The following RAB20 variants were observed in gnomAD, a reference collection of about 807,000 sequenced individuals.
RAB20 encodes RAB20, member RAS oncogene family.
In RAB20, 2 loss-of-function variants were observed where a neutral mutation model predicts 3.7. The ratio of observed to expected loss-of-function variants is 0.54; its 90% CI spans 0.22 to 1.69. The LOEUF (loss-of-function observed/expected upper bound fraction) is 1.69, where lower values mean the gene tolerates loss of function less well. Among genes scored for constraint, RAB20 ranks in the 40% most tolerant of loss-of-function variants. The probability of loss-of-function intolerance (pLI) is 0.19; values close to 1 mark genes in which losing one functional copy is unlikely to be tolerated. For missense variants in RAB20, 276 were observed against 311.9 expected (o/e 0.88, Z 0.87); for synonymous variants, 126 against 130.8 (o/e 0.96, Z 0.25).
At chr13:110,538,492 G>A (rs1191127531) in intron 1 of RAB20, among the ~76,000 whole-genome samples, 1 of 150,078 alleles carries the variant, frequency 6.7e-6, no homozygotes, top group Non-Finnish European at 1.5e-5. Flanking sequence ...TGTGGTCCCA[G>A]CTACTGGGTA....
At chr13:110,531,168 C>A (rs1884533701) in intron 1 of RAB20, among the ~76,000 whole-genome samples, 1 of 152,186 alleles carries the variant, frequency 6.6e-6, no homozygotes, top group African/African-American at 2.4e-5. Context: ...AGGTGGGCAA[C>A]AGACACAGGA....
intron 1 of RAB20, among the ~76,000 whole-genome samples, chr13:110,549,612 G>A (rs1224323979): frequency 6.6e-6 from 1 of 152,246 alleles, no homozygotes; most frequent in Non-Finnish European, 1.5e-5. Context: ...AGAGGGTCCT[G>A]CCCCATACCC....
intron 1 of RAB20, among the ~76,000 whole-genome samples, chr13:110,552,521 G>A (rs935055292): frequency 4.6e-5 from 7 of 151,510 alleles, no homozygotes; most frequent in Admixed American, 1.3e-4. Flanking sequence ...GTGAAACCCC[G>A]TCTCTACTAA....
At chr13:110,541,394 G>A (rs1884761409) in intron 1 of RAB20, among the ~76,000 whole-genome samples, 1 of 152,208 alleles carries the variant, frequency 6.6e-6, no homozygotes. Context: ...TAGGCCACCA[G>A]CTTTAGCACA....
intron 1 of RAB20, among the ~76,000 whole-genome samples, chr13:110,545,690 A>T (rs180978759): frequency 7.5e-4 from 114 of 152,338 alleles, no homozygotes; most frequent in South Asian, 1.7e-3. Flanking sequence ...GGGCAAGTCT[A>T]GAGAAGTGCA....
chr13:110,524,231 T>C (rs753467810), intron 1 of RAB20, 34 bp from the exon 2 acceptor site: 14 of 1,544,882 alleles, frequency 9.1e-6, no homozygotes, highest in Middle Eastern at 2.1e-4. Context: ...AGAGTGGTTA[T>C]CTCTCATCTC....
chr13:110,524,888 T>G (rs1427618858), intron 1 of RAB20, among the ~76,000 whole-genome samples: 1 of 152,194 alleles, frequency 6.6e-6, no homozygotes, highest in African/African-American at 2.4e-5. Flanking sequence ...TCGCACTTCT[T>G]GTGGGTGCCG....
At chr13:110,547,569 CAAGTCACTTCTACG>C (rs1884875751) in intron 1 of RAB20, among the ~76,000 whole-genome samples, 1 of 152,158 alleles carries the variant, frequency 6.6e-6, no homozygotes, top group South Asian at 2.1e-4. Context: ...CTTTAGGATC[CAAGTCACTTCTACG>C]AAGGACACAG....
chr13:110,530,881 G>A (rs568662907), intron 1 of RAB20, among the ~76,000 whole-genome samples: 2 of 152,340 alleles, frequency 1.3e-5, no homozygotes, highest in East Asian at 1.9e-4. Context: ...ACACAATTGT[G>A]TCTGTTCACC....
intron 1 of RAB20, among the ~76,000 whole-genome samples, chr13:110,540,509 G>A (rs1383062949): frequency 3.3e-5 from 5 of 152,182 alleles, no homozygotes; most frequent in South Asian, 4.1e-4. Context: ...TTGGGAGGCC[G>A]AGGCAGGTGG....
chr13:110,523,292 G>A lies in RAB20; in HGVS notation c.*373C>T. On this transcript the variant is annotated 3_prime_UTR_variant, in exon 2 of 2. Transcript: ENST00000267328. ...TTGTAGGACGTGGTAACAACCCAGGGTGCTGAAACGGTCAGAGGTGCAGGT... is the reference window on the plus strand; with the variant it reads ...TTGTAGGACGTGGTAACAACCCAGGATGCTGAAACGGTCAGAGGTGCAGGT... The A allele has an allele frequency of 2.2e-6, 1 of 454,584 alleles. No individual in the cohort carries two copies. Among genetic ancestry groups the A allele is most frequent in the South Asian group, 6.5e-5 (1 of 15,270 alleles). The allele number at this position is 454,584 out of a possible 1,614,324, so 28.2% of individuals were successfully genotyped here.
chr13:110,550,270 ATG>A (rs1172170245), intron 1 of RAB20, among the ~76,000 whole-genome samples: 2 of 152,206 alleles, frequency 1.3e-5, no homozygotes, highest in Non-Finnish European at 2.9e-5. Flanking sequence ...ACCTTGCTCC[ATG>A]TGTCTCTTCA....
chr13:110,538,698 A>G (rs1316183140), intron 1 of RAB20, among the ~76,000 whole-genome samples: 1 of 152,160 alleles, frequency 6.6e-6, no homozygotes, highest in Non-Finnish European at 1.5e-5. Flanking sequence ...CAAGAGCAAA[A>G]TGCCTGAATC....
chr13:110,546,959 C>T lies in RAB20; in HGVS notation c.172+14389G>A, dbSNP rs76410898. Among the ~76,000 whole-genome samples, 1,321 of 152,242 alleles carry T rather than the reference C, an allele frequency of 8.7e-3. 15 individuals are homozygous for T. Among genetic ancestry groups the T allele is most frequent in the East Asian group, 0.059 (305 of 5,170 alleles). ...CTCGCTATGTTGCCTTGGCTGGTAC[C>T]TATCTTCTGACTTCAAGGGATCCTC... On this transcript the variant is annotated intron_variant, in intron 1 of 1. Coordinates refer to ENST00000267328, the MANE Select transcript of RAB20 (RefSeq NM_017817.3).
chr13:110,544,021 C>T (rs1884812283), intron 1 of RAB20, among the ~76,000 whole-genome samples: 2 of 152,104 alleles, frequency 1.3e-5, no homozygotes, highest in South Asian at 2.1e-4. Context: ...AAGCGATCCA[C>T]CCACGTCAGC....
chr13:110,539,034 TAAAACCTCAAGACA>T (rs1284055359), intron 1 of RAB20, among the ~76,000 whole-genome samples: 1 of 152,192 alleles, frequency 6.6e-6, no homozygotes, highest in Admixed American at 6.5e-5. Flanking sequence ...AAGAAAGAAC[TAAAACCTCAAGACA>T]AATTAATCAA....
At chr13:110,533,085 T>C (rs1351417977) in intron 1 of RAB20, among the ~76,000 whole-genome samples, 1 of 152,148 alleles carries the variant, frequency 6.6e-6, no homozygotes, top group Admixed American at 6.5e-5. Flanking sequence ...AAAGGAAAAG[T>C]GCATATTCCC....
At chr13:110,551,070 C>T (rs1886871) in intron 1 of RAB20, among the ~76,000 whole-genome samples, 143,546 of 152,286 alleles carry the variant, frequency 0.94, 67,708 homozygotes, top group African/African-American at 0.96. Context: ...TGTGAATTTT[C>T]CCCACTGCTT....
intron 1 of RAB20, among the ~76,000 whole-genome samples, chr13:110,551,641 A>G (rs1884952985): frequency 6.6e-6 from 1 of 152,160 alleles, no homozygotes; most frequent in Admixed American, 6.5e-5. Context: ...CTGTCGTCGC[A>G]GTGATGAATC....
Sources: gnomAD v4.1 joint callset for allele counts (sites outside exome capture counted in the v4.1 genomes callset) on GRCh38, gnomAD v4.1.1 for gene constraint, MANE v1.5 for transcripts, NCBI Gene and HGNC (gene_info 2026-07-23, HGNC 2026-07-21) for gene names.